The following ADGRL3 variants were observed in gnomAD, a reference collection of about 807,000 sequenced individuals.
ADGRL3 encodes the protein calcium-independent alpha-latrotoxin receptor 3.
ADGRL3 carries 62 observed loss-of-function variants against 153.5 expected under a neutral mutation model. That is an observed-to-expected ratio of 0.40 (90% CI 0.33 to 0.50). The LOEUF is 0.50. Among genes scored for constraint, ADGRL3 ranks in the 20% least tolerant of loss-of-function variants. ADGRL3 has a pLI of 0.47. For missense variants in ADGRL3, 1,641 were observed against 1,859.4 expected (o/e 0.88, Z 2.16); for synonymous variants, 710 against 672.5 (o/e 1.06, Z -0.86).
chr4:61,750,768 C>A (rs1223782713), intron 8 of ADGRL3, among the ~76,000 whole-genome samples: 2 of 140,644 alleles, frequency 1.4e-5, no homozygotes, highest in African/African-American at 5.6e-5. Flanking sequence ...CCAGCCTGGG[C>A]GACAGAGCGA....
At chr4:61,291,175 TACACACACACACAC>T (rs68037459) in intron 1 of ADGRL3, among the ~76,000 whole-genome samples, 8 of 135,412 alleles carry the variant, frequency 5.9e-5, no homozygotes, top group Admixed American at 1.5e-4. Context: ...CCTGGATCAA[TACACACACACACAC>T]ACACACACAC....
At chr4:61,369,861 G>A (rs1220138344) in intron 1 of ADGRL3, among the ~76,000 whole-genome samples, 1 of 151,992 alleles carries the variant, frequency 6.6e-6, no homozygotes, top group Non-Finnish European at 1.5e-5. Context: ...TCTGGTCCTG[G>A]ACTCTTTTTG....
Position 61,903,866 on chromosome 4 carries a change from G to A in ADGRL3, c.1888-5694G>A, listed in dbSNP as rs189949176. On this transcript the variant is annotated intron_variant, in intron 11 of 26. Coordinates refer to ENST00000683033, the MANE Select transcript of ADGRL3 (RefSeq NM_001387552.1). The stretch of plus-strand genomic sequence containing the variant: ...TGTCTCACTATAACCTCAACCTCTC[G>A]GGATGAAACAATTCTCCCACCTCAA... Among the ~76,000 whole-genome samples, 476 of 151,792 alleles carry A rather than the reference G, an allele frequency of 3.1e-3. 1 individual carries two copies. The highest frequency in any genetic ancestry group is 5.5e-3 in the Non-Finnish European group (373 of 67,940).
chr4:61,347,714 A>G (rs894334543), intron 1 of ADGRL3, among the ~76,000 whole-genome samples: 5 of 152,166 alleles, frequency 3.3e-5, no homozygotes, highest in Admixed American at 2.0e-4. Flanking sequence ...GCTCAAAATC[A>G]GAATCAAAAG....
chr4:61,509,712 G>A (rs1437071206), intron 3 of ADGRL3, among the ~76,000 whole-genome samples: 1 of 152,052 alleles, frequency 6.6e-6, no homozygotes, highest in East Asian at 1.9e-4. Flanking sequence ...ATTATAAATA[G>A]TGCTGCAATG....
chr4:61,438,726 T>TG (rs1553929887), intron 2 of ADGRL3, among the ~76,000 whole-genome samples: 6 of 147,268 alleles, frequency 4.1e-5, no homozygotes, highest in Non-Finnish European at 9.0e-5. Context: ...TTTTTTTTTT[T>TG]AGACGGAGTC....
chr4:61,688,186 A>T (rs1026420534), intron 6 of ADGRL3, among the ~76,000 whole-genome samples: 11 of 152,146 alleles, frequency 7.2e-5, no homozygotes, highest in African/African-American at 2.7e-4. Flanking sequence ...CAAATACAGG[A>T]TAGAATAGTA....
At chr4:61,287,775 T>A (rs897478937) in intron 1 of ADGRL3, among the ~76,000 whole-genome samples, 1 of 152,046 alleles carries the variant, frequency 6.6e-6, no homozygotes, top group Admixed American at 6.6e-5. Flanking sequence ...CTAATTGCCC[T>A]AACTCAATCA....
intron 6 of ADGRL3, among the ~76,000 whole-genome samples, chr4:61,721,094 G>A (rs1001810189): frequency 2.0e-5 from 3 of 152,152 alleles, no homozygotes; most frequent in African/African-American, 7.2e-5. Context: ...ATATCAATAA[G>A]GAGGAATTCC....
intron 8 of ADGRL3, among the ~76,000 whole-genome samples, chr4:61,765,575 A>T (rs1379540172): frequency 2.0e-5 from 3 of 152,190 alleles, no homozygotes; most frequent in Non-Finnish European, 2.9e-5. Context: ...GATTTGACTG[A>T]TAAAGGCTCG....
In ADGRL3 at chr4:61,983,529, C is replaced by T. The variant is rs184350895; in HGVS notation, c.3162C>T (p.Val1054=). 6.2e-6 allele frequency: 10 copies of T among 1,613,744 alleles called. No individual in the cohort carries two copies. The highest frequency in any genetic ancestry group is 1.7e-5 in the Admixed American group (1 of 59,980). Residue 1054 remains valine (V), a synonymous_variant, in exon 19 of 27, where the codon GTC becomes GTT. Transcript: ENST00000683033. ...EHSRRKYFYL[V]GYGMPALIVA... The stretch of plus-strand genomic sequence containing the variant: ...CACGTAGGAAATACTTTTATCTGGT[C>T]GGCTATGGGATGCCTGCACTCATTG...
intron 21 of ADGRL3, among the ~76,000 whole-genome samples, chr4:62,017,812 G>A (rs1030651170): frequency 2.6e-5 from 4 of 152,082 alleles, no homozygotes; most frequent in African/African-American, 9.7e-5. Flanking sequence ...AATCTTCCAT[G>A]TTTTCTCTAA....
intron 4 of ADGRL3, among the ~76,000 whole-genome samples, chr4:61,555,796 C>T (rs538446383): frequency 5.9e-5 from 9 of 152,272 alleles, no homozygotes; most frequent in African/African-American, 2.2e-4. Flanking sequence ...ATTATTCATG[C>T]CTCCCCTTTT....
intron 1 of ADGRL3, among the ~76,000 whole-genome samples, chr4:61,306,908 C>T (rs986457896): frequency 1.3e-5 from 2 of 152,088 alleles, no homozygotes; most frequent in Non-Finnish European, 2.9e-5. Context: ...CAAATGAAGC[C>T]CAAGGGCTAC....
At chr4:61,663,656 C>T (rs1221657791) in intron 5 of ADGRL3, among the ~76,000 whole-genome samples, 2 of 152,202 alleles carry the variant, frequency 1.3e-5, no homozygotes, top group Non-Finnish European at 2.9e-5. Context: ...AACATGCCAC[C>T]AGCTACAGAG....
intron 2 of ADGRL3, among the ~76,000 whole-genome samples, chr4:61,432,400 A>C (rs2097365934): frequency 6.6e-6 from 1 of 152,162 alleles, no homozygotes; most frequent in African/African-American, 2.4e-5. Context: ...CTGATAAGTA[A>C]AAATTACATT....
chr4:61,579,513 C>T, intron 4 of ADGRL3: 2 of 469,114 alleles, frequency 4.3e-6, no homozygotes, highest in East Asian at 6.2e-5. Flanking sequence ...TTTATTCACA[C>T]ACTTGCTGCT....
At chr4:61,558,961 A>C (rs2098782199) in intron 4 of ADGRL3, among the ~76,000 whole-genome samples, 2 of 152,098 alleles carry the variant, frequency 1.3e-5, no homozygotes, top group South Asian at 4.1e-4. Context: ...ATAGGGGATC[A>C]TAATACTTCA....
chr4:61,707,911 G>A (rs931804998), intron 6 of ADGRL3, among the ~76,000 whole-genome samples: 1 of 152,026 alleles, frequency 6.6e-6, no homozygotes, highest in Non-Finnish European at 1.5e-5. Context: ...CCATGTCACT[G>A]CTTGTATTAA....
Sources: allele counts gnomAD v4.1 joint callset (sites outside exome capture counted in the v4.1 genomes callset), GRCh38; gene constraint gnomAD v4.1.1; transcripts MANE v1.5; gene names NCBI Gene and HGNC (gene_info 2026-07-23, HGNC 2026-07-21).